The following ABCB5 variants were observed in gnomAD, a reference collection of about 807,000 sequenced individuals.
ABCB5 encodes ATP-binding cassette sub-family B member 5.
Under a neutral mutation model 144.2 loss-of-function variants are expected in ABCB5, and 155 were observed. The ratio of observed to expected loss-of-function variants is 1.08; its 90% confidence interval spans 0.94 to 1.23. The LOEUF (loss-of-function observed/expected upper bound fraction) is 1.23, where lower values mean the gene tolerates loss of function less well. ABCB5 is among the 50% of genes most tolerant of loss of function. The pLI is 0.00. For missense variants in ABCB5, 1,830 were observed against 1,520.8 expected, an observed-to-expected ratio of 1.20 and a Z score of -3.38; for synonymous variants, 610 against 528.6, an observed-to-expected ratio of 1.15 and a Z score of -2.11.
At chr7:20,680,553 G>C (rs1018434856) in intron 14 of ABCB5, among the ~76,000 whole-genome samples, 1 of 146,634 alleles carries the variant, frequency 6.8e-6, no homozygotes, top group Admixed American at 6.8e-5. Context: ...CTGGGCGACA[G>C]AGCCAGACTC....
At chr7:20,676,199 CAT>C (rs770479682) in intron 14 of ABCB5, among the ~76,000 whole-genome samples, 17 of 149,250 alleles carry the variant, frequency 1.1e-4, no homozygotes, top group East Asian at 3.9e-4. Flanking sequence ...CACACACACA[CAT>C]ATGTATAAGA....
intron 16 of ABCB5, 145 bp downstream of exon 16, chr7:20,685,981 AG>A: frequency 1.1e-6 from 1 of 870,786 alleles, no homozygotes; most frequent in Non-Finnish European, 1.7e-6. Flanking sequence ...ATTTCACTCT[AG>A]CATCAGTGTG....
intron 14 of ABCB5, among the ~76,000 whole-genome samples, chr7:20,669,599 G>GC (rs1785392272): frequency 1.6e-3 from 1 of 620 alleles, no homozygotes; most frequent in Non-Finnish European, 5.0e-3. Context: ...GCGGAAGGCC[G>GC]CAGGTCCTCT....
Position 20,643,594 on chromosome 7 carries a change from T to C in ABCB5, c.640T>C (p.Ser214Pro), listed in dbSNP as rs1415392297. Residue 214 changes from serine to proline, a missense_variant, in exon 7 of 28, where the codon TCT becomes CCT. Coordinates refer to ENST00000404938, the MANE Select transcript of ABCB5 (RefSeq NM_001163941.2). ...ACTCACCCTAGTGACTCTATCCACG[T>C]CTCCTCTTATAATGGCTTCAGCGGC... ...WKLTLVTLST[S>P]PLIMASAAAC... 6.2e-7 allele frequency: 1 copy of C among 1,613,914 alleles called. No individual in the cohort carries two copies. The highest frequency in any genetic ancestry group is 2.2e-5 in the East Asian group (1 of 44,878).
intron 20 of ABCB5, among the ~76,000 whole-genome samples, chr7:20,721,218 A>AG (rs1781857121): frequency 6.6e-6 from 1 of 152,208 alleles, no homozygotes; most frequent in African/African-American, 2.4e-5. Context: ...ATAGAGTATC[A>AG]GGTCAGCCAC....
intron 16 of ABCB5, 78 bp downstream of exon 16, chr7:20,685,914 T>C (rs1185123817): frequency 4.3e-6 from 6 of 1,397,068 alleles, no homozygotes; most frequent in Admixed American, 5.3e-5. Flanking sequence ...TTAAAATTTA[T>C]TTATAGTAAA....
chr7:20,718,433 A>G (rs139678611), intron 20 of ABCB5, among the ~76,000 whole-genome samples: 37 of 152,230 alleles, frequency 2.4e-4, no homozygotes, highest in African/African-American at 8.4e-4. Context: ...TAACCAGGCT[A>G]CCTTGTCGAT....
intron 26 of ABCB5, among the ~76,000 whole-genome samples, chr7:20,752,396 A>G (rs1782958284): frequency 6.6e-6 from 1 of 152,248 alleles, no homozygotes; most frequent in Non-Finnish European, 1.5e-5. Context: ...GAGGACCATG[A>G]TGGCTTCAAG....
At chr7:20,717,962 C>A (rs868742304) in intron 20 of ABCB5, among the ~76,000 whole-genome samples, 1 of 116,078 alleles carries the variant, frequency 8.6e-6, no homozygotes, top group Non-Finnish European at 1.6e-5. Context: ...AGTGCAGTGG[C>A]GCAATCTCGG....
At chr7:20,637,161 G>T (rs1228830069) in intron 5 of ABCB5, among the ~76,000 whole-genome samples, 1 of 152,078 alleles carries the variant, frequency 6.6e-6, no homozygotes, top group African/African-American at 2.4e-5. Flanking sequence ...AATTTTTTGA[G>T]TATAAGGTAA....
At chr7:20,740,169 G>A (rs1024953982) in intron 24 of ABCB5, among the ~76,000 whole-genome samples, 3 of 152,228 alleles carry the variant, frequency 2.0e-5, no homozygotes, top group Non-Finnish European at 4.4e-5. Context: ...GAACCCGGGA[G>A]GCGGAGGTTG....
chr7:20,715,812 C>T (rs754512477), intron 20 of ABCB5, among the ~76,000 whole-genome samples: 46 of 151,774 alleles, frequency 3.0e-4, no homozygotes, highest in Non-Finnish European at 5.7e-4. Flanking sequence ...CTCCGCCTCC[C>T]GGGTTCAAGC....
intron 5 of ABCB5, among the ~76,000 whole-genome samples, chr7:20,632,978 T>A (rs988647206): frequency 2.0e-4 from 30 of 151,614 alleles, no homozygotes; most frequent in Non-Finnish European, 3.5e-4. Flanking sequence ...AACCTGCACA[T>A]TGTGCACATG....
In ABCB5 at chr7:20,645,871, A is replaced by G. The variant is rs1263986235; in HGVS notation, c.794A>G (p.Glu265Gly). The change falls in exon 8 of 28, where the codon GAA (glutamate) becomes GGA (glycine). Residue 265 changes from glutamate to glycine, a missense_variant. Physicochemically the swap from Glu to Gly is moderately conservative, Grantham distance 98 (BLOSUM62 -2). Coordinates refer to ENST00000404938, the MANE Select transcript of ABCB5 (RefSeq NM_001163941.2). The part of the protein sequence containing the change: ...TVIAFRAQEK[E>G]LQRYTQNLKD... ...ATAGCCTTTAGGGCCCAGGAGAAAG[A>G]ACTTCAAAGGTCTTTCCTTTTAAAT... 31 of 1,613,546 alleles carry G rather than the reference A, an allele frequency of 1.9e-5. No homozygotes were observed. Among genetic ancestry groups the G allele is most frequent in the Non-Finnish European group, 2.5e-5 (29 of 1,179,742 alleles).
At chr7:20,745,170 G>C in intron 25 of ABCB5, 62 bp from the exon 26 acceptor site, 1 of 1,440,894 alleles carries the variant, frequency 6.9e-7, no homozygotes, top group Non-Finnish European at 9.8e-7. Flanking sequence ...TGAATACAGT[G>C]AACTGTAACA....
intron 5 of ABCB5, among the ~76,000 whole-genome samples, chr7:20,642,861 T>G (rs904619255): frequency 6.6e-6 from 1 of 152,176 alleles, no homozygotes; most frequent in African/African-American, 2.4e-5. Context: ...TTTTTTACCC[T>G]CCAGTTCCAC....
chr7:20,752,596 C>T (rs1318217423), intron 26 of ABCB5, among the ~76,000 whole-genome samples: 1 of 152,196 alleles, frequency 6.6e-6, no homozygotes, highest in Non-Finnish European at 1.5e-5. Flanking sequence ...CGCCTGCAAT[C>T]CCAACACTTT....
chr7:20,659,415 T>C (rs1369034537), intron 14 of ABCB5: 1 of 1,168,256 alleles, frequency 8.6e-7, no homozygotes, highest in African/African-American at 1.6e-5. Context: ...TCTAAGAAAA[T>C]CGCAGGCTTC....
chr7:20,726,512 A>G (rs2128050864), intron 21 of ABCB5, among the ~76,000 whole-genome samples: 1 of 151,918 alleles, frequency 6.6e-6, no homozygotes, highest in Non-Finnish European at 1.5e-5. Context: ...GATTACAGAC[A>G]TGTGCCACCA....
Sources: allele counts gnomAD v4.1 joint callset (sites outside exome capture counted in the v4.1 genomes callset), GRCh38; gene constraint gnomAD v4.1.1; transcripts MANE v1.5; gene names NCBI Gene and HGNC (gene_info 2026-07-23, HGNC 2026-07-21).